The following CALHM4 variants were observed in gnomAD, a reference collection of about 807,000 sequenced individuals.
CALHM4 encodes the protein calcium homeostasis modulator protein 4.
CALHM4 carries 16 observed loss-of-function variants against 13.3 expected under a neutral mutation model. That is an observed-to-expected ratio of 1.20 (90% CI 0.81 to 1.82). The LOEUF is 1.82. CALHM4 is among the 40% of genes most tolerant of loss of function. The pLI is 0.00. For synonymous variants in CALHM4, 127 were observed against 137.1 expected (o/e 0.93, Z 0.52); for missense variants, 344 against 374.9 (o/e 0.92, Z 0.68).
At chr6:116,538,734 CTT>C (rs531255700) in intron 1 of CALHM4, among the ~76,000 whole-genome samples, 56 of 140,930 alleles carry the variant, frequency 4.0e-4, no homozygotes, top group Admixed American at 4.3e-4. Flanking sequence ...ATCTTTCTTT[CTT>C]TTTTTTTTTT....
chr6:116,552,942 C>G (rs979023535), upstream of CALHM4, among the ~76,000 whole-genome samples: 20 of 152,086 alleles, frequency 1.3e-4, no homozygotes, highest in East Asian at 9.7e-4. Context: ...GGCGTGGTGG[C>G]GGGCGCCTGT....
upstream of CALHM4, among the ~76,000 whole-genome samples, chr6:116,550,376 G>A (rs938743393): frequency 2.0e-5 from 3 of 152,072 alleles, no homozygotes; most frequent in Admixed American, 2.0e-4. Context: ...TCCCAGTCCT[G>A]GCACTTCCGC....
chr6:116,554,246 C>G lies in CALHM4; in HGVS notation c.453C>G (p.Ser151Arg), dbSNP rs776523678. The G allele has an allele frequency of 2.6e-6, 4 of 1,550,494 alleles. No homozygotes were observed. Among genetic ancestry groups the G allele is most frequent in the African/African-American group, 1.4e-5 (1 of 73,012 alleles). Residue 151 changes from serine to arginine, a missense_variant, in exon 1 of 2, where the codon AGC (serine) becomes AGG (arginine). Physicochemically the swap from Ser to Arg is moderately radical, Grantham distance 110 (BLOSUM62 -1). Coordinates refer to ENST00000368596, the MANE Select transcript of CALHM4 (RefSeq NM_001366078.2). ...HYPMFDNVSA[S>R]KREEILAGFP... is the part of the protein sequence containing the mutation. ...CAATGTTTGATAATGTCAGTGCCAGCAAACGAGAAGAGATCCTGGCTGGGT... is the reference window on the plus strand; with the variant it reads ...CAATGTTTGATAATGTCAGTGCCAGGAAACGAGAAGAGATCCTGGCTGGGT...
chr6:116,543,861 A>G, exon 2 of CALHM4: 3 of 1,533,652 alleles, frequency 2.0e-6, no homozygotes, highest in Non-Finnish European at 1.7e-6. Flanking sequence ...ACCCAAATGT[A>G]GCAGCAAATT....
chr6:116,543,192 G>A, intron 1 of CALHM4: 1 of 748,844 alleles, frequency 1.3e-6, no homozygotes, highest in Non-Finnish European at 2.1e-6. Context: ...GATTAATTGA[G>A]ACAGAAGAAC....
At chr6:116,554,878 T>C (rs1346188350) in intron 1 of CALHM4, among the ~76,000 whole-genome samples, 2 of 152,160 alleles carry the variant, frequency 1.3e-5, no homozygotes, top group Non-Finnish European at 2.9e-5. Flanking sequence ...GATAGGTTTA[T>C]GTCAGAAAGT....
chr6:116,549,764 T>C (rs2115273246), upstream of CALHM4, among the ~76,000 whole-genome samples: 2 of 151,288 alleles, frequency 1.3e-5, no homozygotes, highest in African/African-American at 2.4e-5. Flanking sequence ...TCACCTGAGG[T>C]CAGAAGTTTG....
At chr6:116,541,466 C>T (rs1583296844) in intron 1 of CALHM4, among the ~76,000 whole-genome samples, 1 of 152,144 alleles carries the variant, frequency 6.6e-6, no homozygotes, top group Non-Finnish European at 1.5e-5. Flanking sequence ...GCAATGATTA[C>T]TCCAGAGGCT....
chr6:116,552,493 T>C (rs1774124228), upstream of CALHM4, among the ~76,000 whole-genome samples: 1 of 152,196 alleles, frequency 6.6e-6, no homozygotes, highest in Non-Finnish European at 1.5e-5. Context: ...ACTAGACAGA[T>C]TGTGTAGTTG....
At chr6:116,548,429 G>C (rs750800461) in intron 2 of CALHM4, among the ~76,000 whole-genome samples, 1 of 152,190 alleles carries the variant, frequency 6.6e-6, no homozygotes, top group African/African-American at 2.4e-5. Flanking sequence ...TCATTAGCAA[G>C]TTACACATTG....
chr6:116,553,328 A>C (rs1774162967), upstream of CALHM4, among the ~76,000 whole-genome samples: 1 of 152,188 alleles, frequency 6.6e-6, no homozygotes, highest in South Asian at 2.1e-4. Flanking sequence ...CCAGCCCTAA[A>C]TTTTGGATTG....
intron 1 of CALHM4, among the ~76,000 whole-genome samples, chr6:116,538,114 C>A (rs1290070376): frequency 6.6e-6 from 1 of 152,120 alleles, no homozygotes; most frequent in Non-Finnish European, 1.5e-5. Context: ...ACTAGAGAAG[C>A]TTTGTTCCCT....
At chr6:116,533,203 T>C (rs6928392) in intron 1 of CALHM4, among the ~76,000 whole-genome samples, 61,744 of 152,080 alleles carry the variant, frequency 0.41, 14,199 homozygotes, top group Middle Eastern at 0.6. Context: ...AGCAGTCAAA[T>C]AGAGACAGTA....
At chr6:116,539,744 C>T (rs569680725) in intron 1 of CALHM4, among the ~76,000 whole-genome samples, 4 of 152,070 alleles carry the variant, frequency 2.6e-5, no homozygotes, top group South Asian at 4.1e-4. Flanking sequence ...TGGAGACACG[C>T]GTATCTTCTG....
chr6:116,538,563 A>C (rs1773235087), intron 1 of CALHM4, among the ~76,000 whole-genome samples: 1 of 152,228 alleles, frequency 6.6e-6, no homozygotes, highest in Non-Finnish European at 1.5e-5. Flanking sequence ...ATATCTTTAG[A>C]ATGAAGTCTC....
chr6:116,560,689 T>C lies in CALHM4; in HGVS notation c.*2478T>C, dbSNP rs1381602101. ...GCTATGGTCTATAGCATTTTTTTGC[T>C]CCACAGCTAGTTAAATGAAACTTTT... On this transcript the variant is annotated 3_prime_UTR_variant, in exon 2 of 2. Coordinates refer to ENST00000368596, the MANE Select transcript of CALHM4 (RefSeq NM_001366078.2). 6.6e-6 allele frequency among the ~76,000 whole-genome samples: 1 copy of C among 150,816 alleles called. No homozygotes were observed. Among genetic ancestry groups the C allele is most frequent in the Non-Finnish European group, 1.5e-5 (1 of 67,796 alleles).
upstream of CALHM4, among the ~76,000 whole-genome samples, chr6:116,552,222 G>C (rs1467845438): frequency 6.6e-6 from 1 of 152,112 alleles, no homozygotes; most frequent in African/African-American, 2.4e-5. Context: ...TATTGTTATT[G>C]ATGAGAAGTC....
Position 116,554,287 on chromosome 6 carries a change from C to T in CALHM4, c.494C>T (p.Ser165Leu), listed in dbSNP as rs1342185790. The T allele has an allele frequency of 3.2e-6, 5 of 1,550,316 alleles. No individual in the cohort carries two copies. Among genetic ancestry groups the T allele is most frequent in the Non-Finnish European group, 3.5e-6 (4 of 1,147,020 alleles). ...EILAGFPCCR[S>L]APSDVILVRD... Reference sequence around the variant, plus strand: ...CTGGCTGGGTTTCCATGTTGCAGATCAGCTCCTTCTGACGTGATCCTAGTA... The same window carrying T: ...CTGGCTGGGTTTCCATGTTGCAGATTAGCTCCTTCTGACGTGATCCTAGTA... The change falls in exon 1 of 2, where the codon TCA becomes TTA. Residue 165 changes from serine to leucine, a missense_variant. Ser to Leu is a moderately radical substitution (Grantham distance 145). Coordinates refer to ENST00000368596, the MANE Select transcript of CALHM4 (RefSeq NM_001366078.2).
intron 2 of CALHM4, chr6:116,545,415 T>A: frequency 7.0e-7 from 1 of 1,432,572 alleles, no homozygotes; most frequent in Non-Finnish European, 9.5e-7. Flanking sequence ...CAATCAGAAA[T>A]CACTCAAGAA....
Sources: allele counts gnomAD v4.1 joint callset (sites outside exome capture counted in the v4.1 genomes callset), GRCh38; gene constraint gnomAD v4.1.1; transcripts MANE v1.5; gene names NCBI Gene and HGNC (gene_info 2026-07-23, HGNC 2026-07-21).